The following CRADD variants were observed in gnomAD, a reference collection of about 807,000 sequenced individuals.
CRADD encodes the protein CARD and death domain containing adaptor protein.
A neutral mutation model predicts 15.5 loss-of-function variants in CRADD; 9 were observed. That is an observed-to-expected ratio of 0.58 (90% confidence interval 0.35 to 1.01). The LOEUF (loss-of-function observed/expected upper bound fraction) is 1.01, where lower values mean the gene tolerates loss of function less well. Ranked by LOEUF, CRADD falls within the 50% of genes least tolerant of loss-of-function variation. The pLI is 0.02. For synonymous variants in CRADD, 118 were observed against 107.6 expected (o/e 1.10, Z -0.60); for missense variants, 227 against 250.3 (o/e 0.91, Z 0.63).
At chr12:93,732,026 C>T (rs1318616619) in intron 2 of CRADD, among the ~76,000 whole-genome samples, 1 of 151,722 alleles carries the variant, frequency 6.6e-6, no homozygotes, top group African/African-American at 2.4e-5. Flanking sequence ...ATCCCAGCTA[C>T]TTGGGAGGCT....
intron 2 of CRADD, among the ~76,000 whole-genome samples, chr12:93,729,805 C>T: frequency 6.7e-6 from 1 of 148,458 alleles, no homozygotes; most frequent in East Asian, 2.0e-4. Context: ...AAAAAAAAAT[C>T]TTAGATTACT....
At chr12:93,821,312 A>G (rs779833966) in intron 2 of CRADD, among the ~76,000 whole-genome samples, 5 of 152,196 alleles carry the variant, frequency 3.3e-5, no homozygotes, top group Admixed American at 6.5e-5. Flanking sequence ...AGGCCCCTGT[A>G]GACATTGGCA....
chr12:93,687,181 T>C (rs913104271), intron 2 of CRADD, among the ~76,000 whole-genome samples: 2 of 152,218 alleles, frequency 1.3e-5, no homozygotes, highest in Non-Finnish European at 2.9e-5. Flanking sequence ...TGCAGGTCTT[T>C]CTAGGAATAG....
At chr12:93,791,357 A>AGG (rs1957347405) in intron 2 of CRADD, among the ~76,000 whole-genome samples, 1 of 152,120 alleles carries the variant, frequency 6.6e-6, no homozygotes, top group Admixed American at 6.5e-5. Context: ...AAAGGAAGGA[A>AGG]ACCCTGTCAT....
Position 93,797,901 on chromosome 12 carries a change from G to A in CRADD, c.299-52069G>A, listed in dbSNP as rs769796459. Among the ~76,000 whole-genome samples, 24 of 152,316 alleles carry A rather than the reference G, an allele frequency of 1.6e-4. No individual in the cohort carries two copies. In the Middle Eastern group the frequency reaches 0.017, roughly 108 times the overall value. On this transcript the variant is annotated intron_variant, in intron 2 of 2. Transcript: ENST00000332896. ...AGTTCCTGCCTTTAGGGGGCTTCCA[G>A]GATCGAGCCTGCAGTCCCAGCACCC...
chr12:93,798,192 T>TG (rs35991305), intron 2 of CRADD, among the ~76,000 whole-genome samples: 62,693 of 151,922 alleles, frequency 0.41, 13,394 homozygotes, highest in East Asian at 0.7. Flanking sequence ...ACTTTTTCTT[T>TG]TTTCCCAGGA....
chr12:93,839,114 C>A (rs1039398617), intron 2 of CRADD, among the ~76,000 whole-genome samples: 1 of 152,120 alleles, frequency 6.6e-6, no homozygotes, highest in African/African-American at 2.4e-5. Context: ...AGACCTGATT[C>A]TTTTCCTTAC....
At position 93,680,283 on chromosome 12, in the gene CRADD, G is replaced by A. The variant is rs146054995; in HGVS notation, c.298+1211G>A. ...GTTCTCTGGGGTTTCTGATAAGAGTGATAGAACTATTCCGGTTCAGTGGGC... is the reference window on the plus strand; with the variant it reads ...GTTCTCTGGGGTTTCTGATAAGAGTAATAGAACTATTCCGGTTCAGTGGGC... On this transcript the variant is annotated intron_variant, in intron 2 of 2. Transcript: ENST00000332896. Among the ~76,000 whole-genome samples the A allele has an allele frequency of 4.0e-3, 614 of 152,272 alleles. 2 individuals carry two copies. The highest frequency in any genetic ancestry group is 6.3e-3 in the Admixed American group (97 of 15,290).
At chr12:93,858,682 A>G (rs1365771130) in intron 2 of CRADD, among the ~76,000 whole-genome samples, 1 of 152,258 alleles carries the variant, frequency 6.6e-6, no homozygotes, top group East Asian at 1.9e-4. Context: ...CTTCCCCAAG[A>G]TGGGTCATAG....
At chr12:93,858,492 A>G (rs1034596497) in intron 2 of CRADD, among the ~76,000 whole-genome samples, 2 of 152,228 alleles carry the variant, frequency 1.3e-5, no homozygotes, top group African/African-American at 4.8e-5. Context: ...CAACATTGTC[A>G]GTCCTCCCTT....
chr12:93,682,975 T>A (rs150089497), intron 2 of CRADD, among the ~76,000 whole-genome samples: 4 of 152,354 alleles, frequency 2.6e-5, no homozygotes, highest in African/African-American at 4.8e-5. Flanking sequence ...TTTGTCTCTC[T>A]GGCCAAGGTC....
At chr12:93,735,185 C>T (rs1023551332) in intron 2 of CRADD, among the ~76,000 whole-genome samples, 3 of 152,266 alleles carry the variant, frequency 2.0e-5, no homozygotes, top group Non-Finnish European at 2.9e-5. Flanking sequence ...AAACCCAGAG[C>T]GGCACAAGCG....
chr12:93,677,947 A>T (rs904123028), intron 1 of CRADD: 1 of 152,458 alleles, frequency 6.6e-6, no homozygotes, highest in African/African-American at 2.4e-5. Context: ...ACTGCCTTAC[A>T]CACAACCAAG....
Position 93,691,454 on chromosome 12 carries a change from A to G in CRADD, c.298+12382A>G, listed in dbSNP as rs1955571001. Among the ~76,000 whole-genome samples the G allele has an allele frequency of 2.6e-5, 4 of 152,048 alleles. No individual in the cohort carries two copies. The South Asian group carries it at 8.3e-4, about 31-fold the overall frequency. On this transcript the variant is annotated intron_variant, in intron 2 of 2. Coordinates refer to ENST00000332896, the MANE Select transcript of CRADD (RefSeq NM_003805.5). The stretch of plus-strand genomic sequence containing the variant: ...TTGTTAGTAGAGACAGGGTTTCACC[A>G]TGTTGGCCAGGCTGGTCTCGAACTC...
At chr12:93,786,769 G>A (rs1016769156) in intron 2 of CRADD, among the ~76,000 whole-genome samples, 2 of 152,128 alleles carry the variant, frequency 1.3e-5, no homozygotes, top group Non-Finnish European at 2.9e-5. Context: ...GAGGAAACAC[G>A]AGACATCATT....
chr12:93,875,338 T>C (rs1958450792), intron 2 of CRADD, among the ~76,000 whole-genome samples: 1 of 151,940 alleles, frequency 6.6e-6, no homozygotes, highest in African/African-American at 2.4e-5. Context: ...ATGGGTCTTG[T>C]TTTTTCATCC....
intron 2 of CRADD, among the ~76,000 whole-genome samples, chr12:93,811,088 T>C (rs1002373663): frequency 5.3e-5 from 8 of 152,166 alleles, no homozygotes; most frequent in African/African-American, 1.7e-4. Flanking sequence ...GGTGGTCTAG[T>C]TTTTTGAAAG....
chr12:93,849,951 G>A lies in CRADD; in HGVS notation c.299-19G>A, dbSNP rs975582096. The A allele has an allele frequency of 1.4e-6, 2 of 1,467,154 alleles. No homozygotes were observed. The highest frequency in any genetic ancestry group is 1.9e-6 in the Non-Finnish European group (2 of 1,046,608). 90.9% of individuals were successfully genotyped at this position (1,467,154 alleles called of 1,614,324 possible). ...TTGTTGCCTTGCTCATTTCACCGGG[G>A]TGTCTTTTTCCTCCTCAGGTGACAG... On this transcript the variant is annotated intron_variant, in intron 2 of 2. Transcript: ENST00000332896.
chr12:93,808,739 C>G (rs1028692195), intron 2 of CRADD, among the ~76,000 whole-genome samples: 1 of 152,090 alleles, frequency 6.6e-6, no homozygotes, highest in Non-Finnish European at 1.5e-5. Flanking sequence ...CGTTGAGTAG[C>G]TGCATGCACT....
Sources: allele counts gnomAD v4.1 joint callset (sites outside exome capture counted in the v4.1 genomes callset), GRCh38; gene constraint gnomAD v4.1.1; transcripts MANE v1.5; gene names NCBI Gene and HGNC (gene_info 2026-07-23, HGNC 2026-07-21).